ARHGAP10: variants seen among roughly 807,000 people sequenced by gnomAD.
ARHGAP10 encodes the protein rho GTPase-activating protein 10.
A neutral mutation model predicts 108.6 loss-of-function variants in ARHGAP10; 87 were observed. The ratio of observed to expected loss-of-function variants is 0.80; its 90% CI spans 0.67 to 0.96. The LOEUF (loss-of-function observed/expected upper bound fraction) is 0.96, where lower values mean the gene tolerates loss of function less well. Ranked by LOEUF, ARHGAP10 falls within the 40% of genes least tolerant of loss-of-function variation. ARHGAP10 has a pLI of 0.00. For missense variants in ARHGAP10, 939 were observed against 954.5 expected (o/e 0.98, Z 0.21); for synonymous variants, 347 against 341.1 (o/e 1.02, Z -0.19).
chr4:147,963,861 C>T (rs959547650), intron 16 of ARHGAP10, among the ~76,000 whole-genome samples: 1 of 152,224 alleles, frequency 6.6e-6, no homozygotes, highest in Admixed American at 6.5e-5. Flanking sequence ...GACAGGACAA[C>T]CTCCGCTGTG....
chr4:147,914,666 C>T (rs1417785323), intron 13 of ARHGAP10, among the ~76,000 whole-genome samples: 1 of 143,270 alleles, frequency 7.0e-6, no homozygotes, highest in African/African-American at 2.6e-5. Context: ...TTTTGAGATT[C>T]ATCGGTTGGG....
chr4:147,797,484 C>T (rs1418712354), intron 1 of ARHGAP10, among the ~76,000 whole-genome samples: 1 of 152,108 alleles, frequency 6.6e-6, no homozygotes, highest in Non-Finnish European at 1.5e-5. Flanking sequence ...ACTATTTCTG[C>T]TCACTGCAGC....
rs1207120579 is a variant in ARHGAP10, at chr4:147,784,829, T to TAA, written c.155-37896_155-37895dup. ...ATAATATATTATAAAATATATATTA[T>TAA]AAATATATTATAAAATATATATTAT... On this transcript the variant is annotated intron_variant, in intron 1 of 22. Coordinates refer to ENST00000336498, the MANE Select transcript of ARHGAP10 (RefSeq NM_024605.4). Among the ~76,000 whole-genome samples the TAA allele has an allele frequency of 7.1e-5, 2 of 28,054 alleles. 1 individual carries two copies. Among genetic ancestry groups the TAA allele is most frequent in the Admixed American group, 1.5e-3 (2 of 1,336 alleles). The allele number at this position is 28,054 out of a possible 152,430, so 18.4% of individuals were successfully genotyped here.
intron 1 of ARHGAP10, among the ~76,000 whole-genome samples, chr4:147,788,154 C>T (rs914042468): frequency 5.9e-5 from 9 of 151,520 alleles, no homozygotes; most frequent in Non-Finnish European, 1.0e-4. Context: ...TTTTAAAAAG[C>T]GTTTCTGAAG....
At chr4:147,876,388 C>T (rs972972838) in intron 8 of ARHGAP10, among the ~76,000 whole-genome samples, 3 of 152,072 alleles carry the variant, frequency 2.0e-5, no homozygotes, top group African/African-American at 4.8e-5. Context: ...GTCAGGAGAT[C>T]GAGACCATCC....
At chr4:147,781,681 C>CTTTTTTTTTT (rs56781517) in intron 1 of ARHGAP10, among the ~76,000 whole-genome samples, 14 of 130,558 alleles carry the variant, frequency 1.1e-4, no homozygotes, top group South Asian at 2.4e-4. Context: ...CTTTTCTTTT[C>CTTTTTTTTTT]TTTTTTTTTT....
chr4:147,899,639 T>C (rs1429151648), intron 10 of ARHGAP10, among the ~76,000 whole-genome samples: 1 of 152,148 alleles, frequency 6.6e-6, no homozygotes, highest in Non-Finnish European at 1.5e-5. Flanking sequence ...TTAGAAACTT[T>C]TTTTTTTGGT....
intron 18 of ARHGAP10, among the ~76,000 whole-genome samples, chr4:148,016,017 G>A (rs1046687601): frequency 1.7e-4 from 26 of 152,180 alleles, no homozygotes; most frequent in Non-Finnish European, 2.9e-4. Context: ...GAACACATTG[G>A]TCAAGACATG....
intron 19 of ARHGAP10, among the ~76,000 whole-genome samples, chr4:148,036,127 A>G (rs1728368242): frequency 6.6e-6 from 1 of 151,258 alleles, no homozygotes; most frequent in Non-Finnish European, 1.5e-5. Context: ...GTTAAGGAAA[A>G]CTAATGTATA....
intron 12 of ARHGAP10, among the ~76,000 whole-genome samples, chr4:147,910,777 T>C (rs1052415702): frequency 6.6e-6 from 1 of 152,174 alleles, no homozygotes; most frequent in Non-Finnish European, 1.5e-5. Flanking sequence ...TTATCAAATG[T>C]CCACAGTTTG....
At chr4:147,941,716 C>T (rs1315771213) in intron 14 of ARHGAP10, among the ~76,000 whole-genome samples, 1 of 152,042 alleles carries the variant, frequency 6.6e-6, no homozygotes, top group African/African-American at 2.4e-5. Flanking sequence ...TAAATAATTC[C>T]TAGTGTGAAT....
rs773361798 is a variant in ARHGAP10, at chr4:147,965,022, A to G, written c.1451-2A>G. 17 of 1,525,088 alleles carry G rather than the reference A, an allele frequency of 1.1e-5. No homozygotes were observed. The highest frequency in any genetic ancestry group is 1.5e-5 in the Non-Finnish European group (17 of 1,142,904). The allele number at this position is 1,525,088 out of a possible 1,614,324, so 94.5% of individuals were successfully genotyped here. ...TCTTTATTATTATTTTTTTTTTGGAAGAAAGCGGCAGCCCAGAATCTCGTG... is the reference window on the plus strand; with the variant it reads ...TCTTTATTATTATTTTTTTTTTGGAGGAAAGCGGCAGCCCAGAATCTCGTG... On this transcript the variant is annotated splice_acceptor_variant, in intron 16 of 22. Coordinates refer to ENST00000336498, the MANE Select transcript of ARHGAP10 (RefSeq NM_024605.4). LOFTEE classifies it high-confidence loss of function.
Position 148,046,998 on chromosome 4 carries a change from C to A in ARHGAP10, c.1974C>A (p.Asp658Glu). 6.2e-7 allele frequency: 1 copy of A among 1,614,066 alleles called. No homozygotes were observed. Among genetic ancestry groups the A allele is most frequent in the Non-Finnish European group, 8.5e-7 (1 of 1,179,970 alleles). ...TTAVPGPPGP[D>E]KNHLLADGGS... ...CTGTCCCTGGGCCTCCTGGACCAGACAAAAACCACCTTCTGGCAGATGGAG... is the reference window on the plus strand; with the variant it reads ...CTGTCCCTGGGCCTCCTGGACCAGAAAAAAACCACCTTCTGGCAGATGGAG... The change falls in exon 20 of 23, where the codon GAC (aspartate) becomes GAA (glutamate). Residue 658 changes from aspartate to glutamate, a missense_variant. Physicochemically the swap from Asp to Glu is conservative, Grantham distance 45. Coordinates refer to ENST00000336498, the MANE Select transcript of ARHGAP10 (RefSeq NM_024605.4).
chr4:148,045,309 T>A (rs1369987513), intron 19 of ARHGAP10, among the ~76,000 whole-genome samples: 2 of 152,224 alleles, frequency 1.3e-5, no homozygotes, highest in Admixed American at 1.3e-4. Flanking sequence ...AGATTTTCTC[T>A]CTTAACCCTT....
intron 1 of ARHGAP10, among the ~76,000 whole-genome samples, chr4:147,746,347 C>A (rs1457614155): frequency 6.6e-6 from 1 of 151,014 alleles, no homozygotes; most frequent in Non-Finnish European, 1.5e-5. Context: ...TGTGATCCGC[C>A]CGCCTTGGCC....
At position 147,732,133 on chromosome 4, in the gene ARHGAP10, C is replaced by T; in HGVS notation, c.-169C>T. 1 of 477,596 alleles carries T rather than the reference C, an allele frequency of 2.1e-6. No individual in the cohort carries two copies. Among genetic ancestry groups the T allele is most frequent in the Non-Finnish European group, 3.2e-6 (1 of 308,036 alleles). 29.6% of individuals were successfully genotyped at this position (477,596 alleles called of 1,614,324 possible). ...GGTCTCGGTGGCAGCTCCTCCGCGC[C>T]GCAGGACTCGGCTCTACGGGACATG... On this transcript the variant is annotated 5_prime_UTR_variant, in exon 1 of 23. Transcript: ENST00000336498.
chr4:147,867,446 T>C (rs1369626493), intron 7 of ARHGAP10, among the ~76,000 whole-genome samples: 2 of 152,172 alleles, frequency 1.3e-5, no homozygotes, highest in Non-Finnish European at 2.9e-5. Context: ...TGAGTGTAAT[T>C]TGAGGTCTCA....
At chr4:148,009,101 A>G (rs1360952592) in intron 18 of ARHGAP10, among the ~76,000 whole-genome samples, 1 of 152,072 alleles carries the variant, frequency 6.6e-6, no homozygotes, top group Non-Finnish European at 1.5e-5. Flanking sequence ...AAAAACAAAA[A>G]AGTTATTTGA....
At chr4:147,893,146 C>T (rs944920050) in intron 10 of ARHGAP10, among the ~76,000 whole-genome samples, 1 of 152,082 alleles carries the variant, frequency 6.6e-6, no homozygotes, top group Non-Finnish European at 1.5e-5. Context: ...GCAACCTCTG[C>T]CTCCTGGGTT....
Sources: allele counts gnomAD v4.1 joint callset (sites outside exome capture counted in the v4.1 genomes callset), GRCh38; gene constraint gnomAD v4.1.1; transcripts MANE v1.5; gene names NCBI Gene and HGNC (gene_info 2026-07-23, HGNC 2026-07-21).